CALN1: variants seen among roughly 807,000 people sequenced by gnomAD.
CALN1 encodes the protein calneuron 1.
Under a neutral mutation model 30.6 loss-of-function variants are expected in CALN1, and 17 were observed. The ratio of observed to expected loss-of-function variants is 0.56; its 90% confidence interval spans 0.38 to 0.83. The LOEUF is 0.83. Ranked by LOEUF, CALN1 falls within the 40% of genes least tolerant of loss-of-function variation. CALN1 has a pLI of 0.00. For missense variants in CALN1, 291 were observed against 354.9 expected, an observed-to-expected ratio of 0.82 and a Z score of 1.45; for synonymous variants, 156 against 131.4, an observed-to-expected ratio of 1.19 and a Z score of -1.28.
At chr7:72,046,409 T>G (rs1181465456) in intron 4 of CALN1, among the ~76,000 whole-genome samples, 1 of 151,812 alleles carries the variant, frequency 6.6e-6, no homozygotes, top group Non-Finnish European at 1.5e-5. Context: ...CCTAATTCAT[T>G]TTTTAATTTT....
chr7:72,022,607 T>C (rs1778369718), intron 5 of CALN1, among the ~76,000 whole-genome samples: 1 of 152,144 alleles, frequency 6.6e-6, no homozygotes, highest in Non-Finnish European at 1.5e-5. Flanking sequence ...TTACCCAGAC[T>C]GGTCTTGAAC....
intron 3 of CALN1, among the ~76,000 whole-genome samples, chr7:72,145,183 C>T (rs1031975325): frequency 6.6e-6 from 1 of 152,058 alleles, no homozygotes; most frequent in African/African-American, 2.4e-5. Context: ...AATCCAGGAG[C>T]TGGTTTTTTG....
chr7:72,189,320 ACTTTTTTG>A (rs1437495571), intron 3 of CALN1, among the ~76,000 whole-genome samples: 1 of 152,120 alleles, frequency 6.6e-6, no homozygotes, highest in Non-Finnish European at 1.5e-5. Context: ...TGGAGAGCGG[ACTTTTTTG>A]CTTTACTCCT....
At chr7:72,183,870 C>G (rs909522539) in intron 3 of CALN1, among the ~76,000 whole-genome samples, 14 of 152,094 alleles carry the variant, frequency 9.2e-5, no homozygotes, top group African/African-American at 3.4e-4. Flanking sequence ...TATAGGTTGC[C>G]TAGCAACTAA....
chr7:71,810,600 C>A lies in CALN1; in HGVS notation c.502-108G>T, dbSNP rs1365851609. The A allele has an allele frequency of 7.3e-6, 8 of 1,091,438 alleles. No individual in the cohort carries two copies. The East Asian group carries it at 1.5e-4, about 20-fold the overall frequency. 67.6% of individuals were successfully genotyped at this position (1,091,438 alleles called of 1,614,324 possible). A position where few individuals can be genotyped will look rare whatever the true frequency, so the allele number is the denominator to read the frequency against. On this transcript the variant is annotated intron_variant, in intron 5 of 6. Coordinates refer to ENST00000395275, the MANE Select transcript of CALN1 (RefSeq NM_031468.4). Reference sequence around the variant, plus strand: ...GCTGCTCTGCAGAAACTTGTCTCAGCGTTTCAGGATATCAGGTGAACAGTT... The same window carrying A: ...GCTGCTCTGCAGAAACTTGTCTCAGAGTTTCAGGATATCAGGTGAACAGTT...
intron 5 of CALN1, among the ~76,000 whole-genome samples, chr7:72,009,639 TGGGAGGGACCATCCCTGG>T (rs1193361983): frequency 1.3e-5 from 2 of 152,210 alleles, no homozygotes; most frequent in Non-Finnish European, 2.9e-5. Context: ...CCATGTGTTG[TGGGAGGGACCATCCCTGG>T]GGGAGATCAT....
At chr7:72,060,046 TA>T (rs1803540852) in intron 4 of CALN1, among the ~76,000 whole-genome samples, 1 of 152,154 alleles carries the variant, frequency 6.6e-6, no homozygotes, top group Non-Finnish European at 1.5e-5. Flanking sequence ...GATGCAATGC[TA>T]AAGACCCCGG....
rs377593858 is a variant in CALN1, at chr7:72,403,825, C to T, written c.-73-383G>A. 3.3e-5 allele frequency among the ~76,000 whole-genome samples: 5 copies of T among 152,194 alleles called. No homozygotes were observed. In the East Asian group the frequency reaches 9.6e-4, roughly 29 times the overall value. ...GCCAGCATCATTTGTTTCCTTGCTG[C>T]TGACACCAGGAAAGCCACAGAAACT... On this transcript the variant is annotated intron_variant, in intron 1 of 6. Coordinates refer to ENST00000395275, the MANE Select transcript of CALN1 (RefSeq NM_031468.4).
At chr7:72,307,198 T>C (rs1014386337) in intron 2 of CALN1, among the ~76,000 whole-genome samples, 2 of 152,188 alleles carry the variant, frequency 1.3e-5, no homozygotes, top group African/African-American at 4.8e-5. Context: ...CCTCTGGAGA[T>C]TGGCTTCATT....
chr7:71,907,019 C>G (rs1479699232), intron 5 of CALN1, among the ~76,000 whole-genome samples: 1 of 152,130 alleles, frequency 6.6e-6, no homozygotes, highest in Non-Finnish European at 1.5e-5. Context: ...CTGGTGCCAT[C>G]CTGCCTTTTT....
chr7:71,800,135 G>T (rs772645992), intron 6 of CALN1, among the ~76,000 whole-genome samples: 1 of 152,208 alleles, frequency 6.6e-6, no homozygotes, highest in East Asian at 1.9e-4. Context: ...TGACTTCAGC[G>T]GGGAGGACTG....
At chr7:71,801,615 T>C (rs1053157822) in intron 6 of CALN1, among the ~76,000 whole-genome samples, 2 of 152,054 alleles carry the variant, frequency 1.3e-5, no homozygotes, top group Non-Finnish European at 2.9e-5. Context: ...CTCAGGGCCA[T>C]GCAGAGGGGT....
chr7:71,873,343 T>C (rs1475930551), intron 5 of CALN1, among the ~76,000 whole-genome samples: 2 of 152,100 alleles, frequency 1.3e-5, no homozygotes, highest in African/African-American at 2.4e-5. Context: ...CATGGTCTGT[T>C]CAGAGAGACT....
chr7:72,175,648 T>G (rs1030133441), intron 3 of CALN1, among the ~76,000 whole-genome samples: 5 of 152,182 alleles, frequency 3.3e-5, no homozygotes, highest in Non-Finnish European at 1.5e-5. Context: ...GGGTATTCCT[T>G]GGTACTGGAG....
At chr7:72,283,708 TGA>T (rs1797884803) in intron 2 of CALN1, among the ~76,000 whole-genome samples, 1 of 152,174 alleles carries the variant, frequency 6.6e-6, no homozygotes. Flanking sequence ...GGAGGGTCAG[TGA>T]GACCTGACAA....
At chr7:71,825,126 G>A (rs571452232) in intron 5 of CALN1, among the ~76,000 whole-genome samples, 2 of 152,186 alleles carry the variant, frequency 1.3e-5, no homozygotes, top group South Asian at 4.2e-4. Context: ...TAAAGGGTGG[G>A]TCCAACCATC....
At chr7:72,079,878 C>G (rs186884178) in intron 4 of CALN1, among the ~76,000 whole-genome samples, 335 of 145,096 alleles carry the variant, frequency 2.3e-3, no homozygotes, top group African/African-American at 7.9e-3. Context: ...TCAAATGATT[C>G]TCCTGCCTCA....
intron 5 of CALN1, among the ~76,000 whole-genome samples, chr7:71,956,465 AATT>A (rs1028686284): frequency 4.6e-5 from 7 of 150,664 alleles, no homozygotes; most frequent in African/African-American, 9.8e-5. Flanking sequence ...TTTTTTTAAA[AATT>A]ATTATTATTT....
rs937206149 is a variant in CALN1 at position 72,403,272 on chromosome 7, TGGCTCCTCGGC to T, written c.87_97del (p.Pro30GlyfsTer35). 13 of 1,550,038 alleles carry T rather than the reference TGGCTCCTCGGC, an allele frequency of 8.4e-6. No individual in the cohort carries two copies. In the African/African-American group the frequency reaches 1.5e-4, roughly 18 times the overall value. On this transcript the variant is annotated frameshift_variant, in exon 2 of 7. Coordinates refer to ENST00000395275, the MANE Select transcript of CALN1 (RefSeq NM_031468.4). LOFTEE classifies it high-confidence loss of function. The stretch of plus-strand genomic sequence containing the variant: ...TTGCCAGGTGGGGAAGTCGGGGGCC[TGGCTCCTCGGC>T]GGCTCCTCTCCCCCTCCGAGGGCTC...
Sources: gnomAD v4.1 joint callset for allele counts (sites outside exome capture counted in the v4.1 genomes callset) on GRCh38, gnomAD v4.1.1 for gene constraint, MANE v1.5 for transcripts, NCBI Gene and HGNC (gene_info 2026-07-23, HGNC 2026-07-21) for gene names.